Variants in FCHSD2 observed in about 807,000 individuals in gnomAD.
FCHSD2 encodes the protein F-BAR and double SH3 domains protein 2.
Under a neutral mutation model 108.1 loss-of-function variants are expected in FCHSD2, and 38 were observed. The observed-to-expected ratio is 0.35, with a 90% CI of 0.27 to 0.46. The LOEUF (loss-of-function observed/expected upper bound fraction) is 0.46. FCHSD2 is among the 20% of genes least tolerant of loss of function. The probability of loss-of-function intolerance (pLI) is 1.00; values close to 1 mark genes in which losing one functional copy is unlikely to be tolerated. For missense variants in FCHSD2, 751 were observed against 897.8 expected, an observed-to-expected ratio of 0.84 and a Z score of 2.09; for synonymous variants, 279 against 314.7, an observed-to-expected ratio of 0.89 and a Z score of 1.20.
intron 8 of FCHSD2, chr11:72,940,511 C>A (rs1036670259): frequency 1.2e-6 from 1 of 836,490 alleles, no homozygotes; most frequent in South Asian, 1.4e-5. Context: ...GGTGCATACC[C>A]GCACATCCAG....
At chr11:72,980,488 C>CTT (rs1391879694) in intron 8 of FCHSD2, among the ~76,000 whole-genome samples, 1 of 151,836 alleles carries the variant, frequency 6.6e-6, no homozygotes, top group African/African-American at 2.4e-5. Flanking sequence ...GAGCTATGAA[C>CTT]TTTAACGAGG....
At chr11:72,952,155 T>G (rs1856631854) in intron 8 of FCHSD2, among the ~76,000 whole-genome samples, 1 of 152,124 alleles carries the variant, frequency 6.6e-6, no homozygotes, top group South Asian at 2.1e-4. Context: ...TTAACTTATA[T>G]TGGTCTTGCT....
intron 5 of FCHSD2, among the ~76,000 whole-genome samples, chr11:72,991,090 G>A (rs1295607195): frequency 1.3e-5 from 2 of 152,096 alleles, no homozygotes; most frequent in Non-Finnish European, 2.9e-5. Context: ...ACACCTCTAC[G>A]CAAATAAACT....
chr11:73,054,902 G>A (rs1858987441), intron 3 of FCHSD2, among the ~76,000 whole-genome samples: 1 of 152,186 alleles, frequency 6.6e-6, no homozygotes, highest in Non-Finnish European at 1.5e-5. Flanking sequence ...CCAAGAGGTT[G>A]AAGCTCCAGT....
chr11:73,095,048 C>T (rs1407799334), intron 2 of FCHSD2, among the ~76,000 whole-genome samples: 3 of 152,160 alleles, frequency 2.0e-5, no homozygotes, highest in Non-Finnish European at 4.4e-5. Flanking sequence ...ACAGACCCTG[C>T]TCTCAAGGGA....
At chr11:73,010,667 G>C (rs977183460) in intron 4 of FCHSD2, among the ~76,000 whole-genome samples, 1 of 152,238 alleles carries the variant, frequency 6.6e-6, no homozygotes, top group Non-Finnish European at 1.5e-5. Context: ...TGTCAGTGGT[G>C]TTTGTAATTT....
chr11:72,923,291 G>A (rs1376394743), intron 8 of FCHSD2, among the ~76,000 whole-genome samples: 1 of 152,086 alleles, frequency 6.6e-6, no homozygotes, highest in Non-Finnish European at 1.5e-5. Flanking sequence ...TTGAGCACCT[G>A]TTTCCATTTC....
intron 5 of FCHSD2, among the ~76,000 whole-genome samples, chr11:72,993,723 A>G (rs920545844): frequency 2.8e-5 from 4 of 141,324 alleles, no homozygotes; most frequent in African/African-American, 7.7e-5. Flanking sequence ...ACACATGGAC[A>G]CAGGAAGGGG....
At chr11:72,999,570 T>C (rs1857584618) in intron 5 of FCHSD2, among the ~76,000 whole-genome samples, 1 of 152,174 alleles carries the variant, frequency 6.6e-6, no homozygotes, top group African/African-American at 2.4e-5. Flanking sequence ...TCCACCCGGC[T>C]TGGCCATCCA....
chr11:73,037,334 A>AGTGCTGTACAGTGCTGTACACTTAGTTT (rs1858522524), intron 3 of FCHSD2, among the ~76,000 whole-genome samples: 1 of 152,192 alleles, frequency 6.6e-6, no homozygotes, highest in South Asian at 2.1e-4. Flanking sequence ...AGTGCTGTAC[A>AGTGCTGTACAGTGCTGTACACTTAGTTT]GTCTATGTGT....
intron 8 of FCHSD2, among the ~76,000 whole-genome samples, chr11:72,952,616 T>C (rs1856640334): frequency 1.3e-5 from 2 of 152,228 alleles, no homozygotes; most frequent in Admixed American, 6.5e-5. Context: ...TGAGCCACCA[T>C]GCCTGGCCTA....
chr11:72,882,973 AC>A (rs1403540294), intron 12 of FCHSD2, among the ~76,000 whole-genome samples: 1 of 152,226 alleles, frequency 6.6e-6, no homozygotes, highest in African/African-American at 2.4e-5. Context: ...AGACATATAG[AC>A]CAATGGAACT....
At chr11:73,002,205 T>C (rs1247830682) in intron 4 of FCHSD2, among the ~76,000 whole-genome samples, 1 of 152,170 alleles carries the variant, frequency 6.6e-6, no homozygotes, top group Non-Finnish European at 1.5e-5. Flanking sequence ...GTCCCTATCT[T>C]AGTTAGAAGT....
chr11:72,964,950 C>T (rs906385886), intron 8 of FCHSD2, among the ~76,000 whole-genome samples: 3 of 152,042 alleles, frequency 2.0e-5, no homozygotes, highest in Non-Finnish European at 4.4e-5. Flanking sequence ...CCACCACACC[C>T]GGCTAATTTT....
At chr11:72,969,414 T>C (rs1565347254) in intron 8 of FCHSD2, among the ~76,000 whole-genome samples, 1 of 152,300 alleles carries the variant, frequency 6.6e-6, no homozygotes, top group Non-Finnish European at 1.5e-5. Context: ...TTTTTTAGAG[T>C]ATGTGTCTGA....
At chr11:72,902,059 G>A (rs1249228835) in intron 10 of FCHSD2, among the ~76,000 whole-genome samples, 1 of 151,976 alleles carries the variant, frequency 6.6e-6, no homozygotes, top group Non-Finnish European at 1.5e-5. Flanking sequence ...ATTTTTAGTA[G>A]AGACAGGGTT....
intron 12 of FCHSD2, among the ~76,000 whole-genome samples, chr11:72,881,948 T>A (rs562070132): frequency 2.6e-5 from 4 of 152,162 alleles, no homozygotes; most frequent in African/African-American, 9.6e-5. Context: ...GAGACCATCC[T>A]GACTAACACG....
chr11:73,055,216 A>G (rs1173571943), intron 3 of FCHSD2, among the ~76,000 whole-genome samples: 1 of 152,120 alleles, frequency 6.6e-6, no homozygotes, highest in African/African-American at 2.4e-5. Context: ...GGTGCCTCCT[A>G]CAACATGTGT....
chr11:73,095,289 T>C (rs984475870), intron 2 of FCHSD2, among the ~76,000 whole-genome samples: 7 of 152,188 alleles, frequency 4.6e-5, no homozygotes, highest in Non-Finnish European at 1.0e-4. Flanking sequence ...TGGGATAAAC[T>C]TGGCACACAG....
Sources: allele counts gnomAD v4.1 joint callset (sites outside exome capture counted in the v4.1 genomes callset), GRCh38; gene constraint gnomAD v4.1.1; transcripts MANE v1.5; gene names NCBI Gene and HGNC (gene_info 2026-07-23, HGNC 2026-07-21).